The following FBXL17 variants were observed in gnomAD, a reference collection of about 807,000 sequenced individuals.
FBXL17 encodes the protein F-box/LRR-repeat protein 17.
FBXL17 carries 22 observed loss-of-function variants against 66.2 expected under a neutral mutation model. The observed-to-expected ratio is 0.33, with a 90% CI of 0.24 to 0.47. FBXL17 has a LOEUF of 0.47. Among genes scored for constraint, FBXL17 ranks in the 20% least tolerant of loss-of-function variants. FBXL17 has a pLI of 1.00. For synonymous variants in FBXL17, 474 were observed against 400.5 expected (o/e 1.18, Z -2.19); for missense variants, 878 against 948.2 (o/e 0.93, Z 0.97).
At chr5:108,125,935 T>C (rs1750680262) in intron 6 of FBXL17, among the ~76,000 whole-genome samples, 1 of 152,112 alleles carries the variant, frequency 6.6e-6, no homozygotes, top group Non-Finnish European at 1.5e-5. Context: ...ATAACACCTG[T>C]ATATTCTTTA....
At chr5:108,048,321 A>C (rs1747336196) in intron 6 of FBXL17, among the ~76,000 whole-genome samples, 1 of 152,210 alleles carries the variant, frequency 6.6e-6, no homozygotes, top group Admixed American at 6.5e-5. Flanking sequence ...AGTCTCAAAG[A>C]CTGAAACTAG....
In FBXL17 at chr5:108,186,202, C is replaced by T; in HGVS notation, c.1660G>A (p.Asp554Asn). 6.2e-7 allele frequency: 1 copy of T among 1,612,622 alleles called. No individual in the cohort carries two copies. Among genetic ancestry groups the T allele is most frequent in the Non-Finnish European group, 8.5e-7 (1 of 1,178,870 alleles). The change falls in exon 6 of 9, where the codon GAT (aspartate) becomes AAT (asparagine). Residue 554 changes from aspartate to asparagine, a missense_variant. Physicochemically the swap from Asp to Asn is conservative, Grantham distance 23. This residue lies in a region of FBXL17 where 236 missense variants were observed against 389.1 expected (regional missense o/e 0.61). Coordinates refer to ENST00000542267, the MANE Select transcript of FBXL17 (RefSeq NM_001163315.3). Reference protein sequence around the residue: ...SLDLRHITELDNETVMEIVKR... With the variant: ...SLDLRHITELNNETVMEIVKR... ...ACAATTTCCATCACGGTTTCATTAT[C>T]CAGTTCAGTGATATGACGTAGGTCC...
chr5:108,294,780 A>T (rs1012515061), intron 4 of FBXL17, among the ~76,000 whole-genome samples: 1 of 152,130 alleles, frequency 6.6e-6, no homozygotes, highest in Admixed American at 6.5e-5. Context: ...AAACAAAAAA[A>T]TACAAATCTA....
At chr5:107,872,245 T>C (rs896653382) in intron 8 of FBXL17, among the ~76,000 whole-genome samples, 4 of 152,214 alleles carry the variant, frequency 2.6e-5, no homozygotes, top group African/African-American at 4.8e-5. Flanking sequence ...AGTTCAACCA[T>C]GCAGCAGATG....
intron 4 of FBXL17, among the ~76,000 whole-genome samples, chr5:108,262,183 T>C (rs976013202): frequency 6.6e-6 from 1 of 151,374 alleles, no homozygotes; most frequent in Non-Finnish European, 1.5e-5. Flanking sequence ...TTCACGCCAT[T>C]CTCCTGCCTC....
At chr5:108,016,786 CT>C (rs70996975) in intron 7 of FBXL17, among the ~76,000 whole-genome samples, 82 of 131,938 alleles carry the variant, frequency 6.2e-4, no homozygotes, top group African/African-American at 1.8e-3. Flanking sequence ...TTCTTTCTTT[CT>C]TTTTTTTTTG....
At chr5:108,217,186 G>A (rs1269843199) in intron 5 of FBXL17, among the ~76,000 whole-genome samples, 1 of 151,946 alleles carries the variant, frequency 6.6e-6, no homozygotes, top group African/African-American at 2.4e-5. Flanking sequence ...CAGCCCCACA[G>A]TGGATACTCC....
In FBXL17 at chr5:108,075,011, G is replaced by GGTTC. The variant is rs1211240352; in HGVS notation, c.1746-54014_1746-54011dup. Among the ~76,000 whole-genome samples, 12 of 152,328 alleles carry GGTTC rather than the reference G, an allele frequency of 7.9e-5. No homozygotes were observed. The East Asian group carries it at 2.3e-3, about 29-fold the overall frequency. On this transcript the variant is annotated intron_variant, in intron 6 of 8. Coordinates refer to ENST00000542267, the MANE Select transcript of FBXL17 (RefSeq NM_001163315.3). ...GGATTGCTCTGTCCAGTCCCATGGTGGTTCCCTTTTGTGGGGAACCCAGGA... is the reference window on the plus strand; with the variant it reads ...GGATTGCTCTGTCCAGTCCCATGGTGGTTCGTTCCCTTTTGTGGGGAACCCAGGA...
chr5:108,307,311 T>C (rs2150190505), intron 4 of FBXL17, among the ~76,000 whole-genome samples: 1 of 152,218 alleles, frequency 6.6e-6, no homozygotes, highest in East Asian at 1.9e-4. Context: ...TTGTTTTATT[T>C]ATTTATTTTT....
intron 4 of FBXL17, among the ~76,000 whole-genome samples, chr5:108,342,011 G>A (rs1375327602): frequency 6.6e-6 from 1 of 152,082 alleles, no homozygotes; most frequent in East Asian, 1.9e-4. Flanking sequence ...GCACTATCAT[G>A]AGACCAGGAT....
chr5:108,001,351 CTAAT>C (rs1561361057), intron 7 of FBXL17, among the ~76,000 whole-genome samples: 1 of 151,914 alleles, frequency 6.6e-6, no homozygotes, highest in African/African-American at 2.4e-5. Context: ...GAATTAATCC[CTAAT>C]TAAATTGCTT....
chr5:108,354,641 A>C (rs145228593), intron 3 of FBXL17, among the ~76,000 whole-genome samples: 27 of 152,072 alleles, frequency 1.8e-4, no homozygotes, highest in Non-Finnish European at 3.4e-4. Flanking sequence ...AGTTCAGAGA[A>C]TACCATGAAG....
At chr5:107,949,462 T>C (rs1364886662) in intron 7 of FBXL17, among the ~76,000 whole-genome samples, 1 of 152,194 alleles carries the variant, frequency 6.6e-6, no homozygotes, top group Admixed American at 6.5e-5. Flanking sequence ...AAAAATCTTT[T>C]TACAGACAAC....
intron 2 of FBXL17, among the ~76,000 whole-genome samples, chr5:108,367,358 G>T (rs900924701): frequency 6.6e-6 from 1 of 151,826 alleles, no homozygotes; most frequent in Non-Finnish European, 1.5e-5. Flanking sequence ...GGTTATCTTA[G>T]CCTATTTTAC....
At chr5:108,174,680 C>A (rs1752725887) in intron 6 of FBXL17, among the ~76,000 whole-genome samples, 1 of 128,006 alleles carries the variant, frequency 7.8e-6, no homozygotes, top group Admixed American at 9.1e-5. Context: ...AAAAGTACTA[C>A]AAGAAGAGCT....
At chr5:108,256,312 T>A (rs75146025) in intron 4 of FBXL17, among the ~76,000 whole-genome samples, 2 of 152,142 alleles carry the variant, frequency 1.3e-5, no homozygotes, top group African/African-American at 2.4e-5. Context: ...AAACAAAACA[T>A]CAGCTAAAGT....
At chr5:108,185,558 G>C (rs1039345114) in intron 6 of FBXL17, among the ~76,000 whole-genome samples, 5 of 151,980 alleles carry the variant, frequency 3.3e-5, no homozygotes, top group Non-Finnish European at 7.4e-5. Context: ...GTTCTTTATG[G>C]TAATGCTAGA....
At chr5:108,239,201 T>C (rs1396141864) in intron 4 of FBXL17, among the ~76,000 whole-genome samples, 2 of 152,046 alleles carry the variant, frequency 1.3e-5, no homozygotes, top group Non-Finnish European at 2.9e-5. Flanking sequence ...AACACCAAAC[T>C]GAACAACTAT....
chr5:108,121,871 C>A (rs890923614), intron 6 of FBXL17, among the ~76,000 whole-genome samples: 4 of 152,074 alleles, frequency 2.6e-5, no homozygotes, highest in African/African-American at 7.2e-5. Flanking sequence ...AATATATTTA[C>A]AATTTAAAAG....
Sources: gnomAD v4.1 joint callset for allele counts (sites outside exome capture counted in the v4.1 genomes callset) on GRCh38, gnomAD v4.1.1 for gene constraint, gnomAD v4.1.1 regional missense constraint, MANE v1.5 for transcripts, NCBI Gene and HGNC (gene_info 2026-07-23, HGNC 2026-07-21) for gene names.